PARM1: variants seen among roughly 807,000 people sequenced by gnomAD.
The protein encoded by PARM1 is prostate androgen-regulated mucin-like protein 1.
A neutral mutation model predicts 24.6 loss-of-function variants in PARM1; 14 were observed. The ratio of observed to expected loss-of-function variants is 0.57; its 90% CI spans 0.38 to 0.89. PARM1 has a LOEUF of 0.89. Among genes scored for constraint, PARM1 ranks in the 40% least tolerant of loss-of-function variants. The pLI is 0.00. For missense variants in PARM1, 362 were observed against 380.4 expected (o/e 0.95, Z 0.40); for synonymous variants, 179 against 156.6 (o/e 1.14, Z -1.07).
chr4:74,958,654 C>G (rs968915013), intron 1 of PARM1, among the ~76,000 whole-genome samples: 1 of 152,158 alleles, frequency 6.6e-6, no homozygotes, highest in Non-Finnish European at 1.5e-5. Flanking sequence ...ATCTGGTACT[C>G]TGAGAAATGA....
chr4:74,976,677 C>T (rs189089853), intron 1 of PARM1, among the ~76,000 whole-genome samples: 21 of 152,326 alleles, frequency 1.4e-4, no homozygotes, highest in Admixed American at 7.2e-4. Context: ...TTGCCAGACA[C>T]CTTATACAGG....
chr4:74,995,896 G>C (rs188365035), intron 1 of PARM1, among the ~76,000 whole-genome samples: 1 of 152,210 alleles, frequency 6.6e-6, no homozygotes, highest in East Asian at 1.9e-4. Flanking sequence ...GAGCTCACAC[G>C]TGTCTTACAA....
chr4:74,942,186 G>T (rs185650191), intron 1 of PARM1, among the ~76,000 whole-genome samples: 1 of 152,162 alleles, frequency 6.6e-6, no homozygotes, highest in Non-Finnish European at 1.5e-5. Context: ...TGTAAGGTGC[G>T]TGAGAAAAGA....
Position 75,019,101 on chromosome 4 carries a change from C to A in PARM1, c.769+5951C>A, listed in dbSNP as rs534705684. 1.1e-4 allele frequency among the ~76,000 whole-genome samples: 16 copies of A among 152,268 alleles called. No homozygotes were observed. In the South Asian group the frequency reaches 2.3e-3, roughly 22 times the overall value. ...CAGAAGAAGAGTTTTGATTGATTTT[C>A]ATTTTTTAGCTTTTGTTTGGCTCTT... On this transcript the variant is annotated intron_variant, in intron 2 of 3. Coordinates refer to ENST00000307428, the MANE Select transcript of PARM1 (RefSeq NM_015393.4).
chr4:75,019,863 C>T (rs1246925390), intron 2 of PARM1, among the ~76,000 whole-genome samples: 6 of 150,062 alleles, frequency 4.0e-5, no homozygotes, highest in South Asian at 2.1e-4. Flanking sequence ...ATTAGCCGGG[C>T]GCGGTGGCGG....
intron 1 of PARM1, among the ~76,000 whole-genome samples, chr4:74,936,465 T>TGTTTTG (rs1233877575): frequency 7.0e-6 from 1 of 143,620 alleles, no homozygotes; most frequent in African/African-American, 2.6e-5. Context: ...TTTTTTGTTT[T>TGTTTTG]TTTTTTGAGA....
intron 1 of PARM1, among the ~76,000 whole-genome samples, chr4:74,948,602 A>G (rs1485576545): frequency 6.6e-6 from 1 of 152,198 alleles, no homozygotes; most frequent in Non-Finnish European, 1.5e-5. Context: ...CAGGAATCGC[A>G]CAGTGAGAGT....
At chr4:74,955,875 C>T (rs1226509397) in intron 1 of PARM1, 6 of 152,166 alleles carry the variant, frequency 3.9e-5, no homozygotes, top group Non-Finnish European at 2.9e-5. Flanking sequence ...TATCATAAAA[C>T]TTACATTTTA....
chr4:75,047,757 C>T lies in PARM1; in HGVS notation c.*1510C>T, dbSNP rs1723636920. On this transcript the variant is annotated 3_prime_UTR_variant, in exon 4 of 4. Coordinates refer to ENST00000307428, the MANE Select transcript of PARM1 (RefSeq NM_015393.4). ...ACAAGACACTCACAGATTAGTGATACGTTTTATTTTTAACAAAATGAAATG... is the reference window on the plus strand; with the variant it reads ...ACAAGACACTCACAGATTAGTGATATGTTTTATTTTTAACAAAATGAAATG... 3 of 152,260 alleles carry T rather than the reference C, an allele frequency of 2.0e-5. No individual in the cohort carries two copies. The highest frequency in any genetic ancestry group is 3.9e-4 in the East Asian group (2 of 5,170). 9.4% of individuals were successfully genotyped at this position (152,260 alleles called of 1,614,324 possible). A position where few individuals can be genotyped will look rare whatever the true frequency, so the allele number is the denominator to read the frequency against.
chr4:74,954,492 C>T (rs1721594002), intron 1 of PARM1, among the ~76,000 whole-genome samples: 1 of 152,192 alleles, frequency 6.6e-6, no homozygotes. Context: ...CTGTGTTTGA[C>T]TCATAATGCC....
At chr4:75,021,050 G>T (rs57805803) in intron 2 of PARM1, among the ~76,000 whole-genome samples, 5,509 of 152,124 alleles carry the variant, frequency 0.036, 349 homozygotes, top group African/African-American at 0.13. Context: ...GTCTATTTTG[G>T]CTCACAAATA....
chr4:75,049,862 T>C lies in PARM1; in HGVS notation c.*3615T>C, dbSNP rs919268525. The stretch of plus-strand genomic sequence containing the variant: ...CACCTTCTTTGCCTTTAAGCCTTTT[T>C]TTTCTTTTTTTTTTTTTTGGCAAAT... On this transcript the variant is annotated 3_prime_UTR_variant, in exon 4 of 4. Coordinates refer to ENST00000307428, the MANE Select transcript of PARM1 (RefSeq NM_015393.4). 6 of 150,632 alleles carry C rather than the reference T, an allele frequency of 4.0e-5. No individual in the cohort carries two copies. Among genetic ancestry groups the C allele is most frequent in the Non-Finnish European group, 8.8e-5 (6 of 67,838 alleles). The allele number at this position is 150,632 out of a possible 1,614,324, so 9.3% of individuals were successfully genotyped here.
chr4:75,043,456 G>T (rs1305796094), intron 3 of PARM1, among the ~76,000 whole-genome samples: 1 of 152,020 alleles, frequency 6.6e-6, no homozygotes, highest in African/African-American at 2.4e-5. Flanking sequence ...GAAACAGGGG[G>T]TTAAAAACTT....
At chr4:74,980,145 T>C (rs569690298) in intron 1 of PARM1, among the ~76,000 whole-genome samples, 5 of 152,034 alleles carry the variant, frequency 3.3e-5, no homozygotes, top group Non-Finnish European at 7.4e-5. Context: ...AGAAATAAAG[T>C]GTTTCAAATT....
chr4:75,022,140 T>C (rs1723099354), intron 2 of PARM1, among the ~76,000 whole-genome samples: 1 of 152,206 alleles, frequency 6.6e-6, no homozygotes, highest in Non-Finnish European at 1.5e-5. Context: ...TTTTTAATAA[T>C]AGCCATTCTG....
At chr4:75,000,982 C>T (rs1212986398) in intron 1 of PARM1, among the ~76,000 whole-genome samples, 1 of 152,174 alleles carries the variant, frequency 6.6e-6, no homozygotes. Context: ...TATACTACTA[C>T]TTAGTCCAAG....
intron 1 of PARM1, among the ~76,000 whole-genome samples, chr4:74,952,066 C>T (rs548403295): frequency 3.9e-5 from 6 of 152,212 alleles, no homozygotes; most frequent in Admixed American, 1.3e-4. Context: ...AGTGTAAAAG[C>T]GTTCCTATTT....
chr4:75,018,298 A>C (rs17000092), intron 2 of PARM1, among the ~76,000 whole-genome samples: 10,132 of 152,242 alleles, frequency 0.067, 1,149 homozygotes, highest in African/African-American at 0.23. Context: ...ATTAGAGAAC[A>C]CTAGGGAGCA....
intron 3 of PARM1, among the ~76,000 whole-genome samples, chr4:75,043,499 C>T (rs569577545): frequency 1.3e-5 from 2 of 152,252 alleles, no homozygotes; most frequent in East Asian, 3.9e-4. Flanking sequence ...ACCAAACTCA[C>T]ATTTTATGGG....
Sources: gnomAD v4.1 joint callset for allele counts (sites outside exome capture counted in the v4.1 genomes callset) on GRCh38, gnomAD v4.1.1 for gene constraint, MANE v1.5 for transcripts, NCBI Gene and HGNC (gene_info 2026-07-23, HGNC 2026-07-21) for gene names.